RUBCNL: variants seen among roughly 807,000 people sequenced by gnomAD.
RUBCNL encodes rubicon like autophagy enhancer, also known as protein associated with UVRAG as autophagy enhancer.
RUBCNL carries 62 observed loss-of-function variants against 69.5 expected under a neutral mutation model. The observed-to-expected ratio is 0.89, with a 90% CI of 0.73 to 1.10. The LOEUF (loss-of-function observed/expected upper bound fraction) is 1.10. Among genes scored for constraint, RUBCNL ranks in the 50% least tolerant of loss-of-function variants. The pLI is 0.00. For synonymous variants in RUBCNL, 291 were observed against 303.6 expected (o/e 0.96, Z 0.43); for missense variants, 768 against 798.1 (o/e 0.96, Z 0.45).
chr13:46,349,933 C>T (rs978489905), intron 11 of RUBCNL, among the ~76,000 whole-genome samples, 180 bp downstream of exon 11: 1 of 152,100 alleles, frequency 6.6e-6, no homozygotes, highest in African/African-American at 2.4e-5. Context: ...ATCCGCCCAC[C>T]TTGGCCTCTC....
At chr13:46,380,981 T>G (rs1415571332) in intron 1 of RUBCNL, among the ~76,000 whole-genome samples, 1 of 152,142 alleles carries the variant, frequency 6.6e-6, no homozygotes, top group East Asian at 1.9e-4. Flanking sequence ...GGTAGGCAGC[T>G]GCACTTGAAA....
chr13:46,375,929 C>A (rs1408470931), intron 2 of RUBCNL, among the ~76,000 whole-genome samples: 1 of 152,176 alleles, frequency 6.6e-6, no homozygotes, highest in Non-Finnish European at 1.5e-5. Flanking sequence ...GCCTCTTTTT[C>A]CTCTCTTCAG....
chr13:46,376,535 C>T (rs2048998678), intron 2 of RUBCNL, among the ~76,000 whole-genome samples: 1 of 152,130 alleles, frequency 6.6e-6, no homozygotes, highest in Non-Finnish European at 1.5e-5. Context: ...TCAAATCCCA[C>T]CTTGTGCACC....
intron 10 of RUBCNL, 50 bp from the exon 11 acceptor site, chr13:46,350,401 T>C: frequency 7.4e-7 from 1 of 1,345,308 alleles, no homozygotes. Flanking sequence ...TGAAAACCTA[T>C]CCTGGTATAC....
chr13:46,347,532 T>C (rs1285888737), intron 12 of RUBCNL, among the ~76,000 whole-genome samples: 1 of 152,210 alleles, frequency 6.6e-6, no homozygotes, highest in Non-Finnish European at 1.5e-5. Context: ...TGGTTAGACA[T>C]GCCTCCCTAT....
intron 4 of RUBCNL, chr13:46,368,481 T>C (rs892555136): frequency 2.0e-6 from 2 of 985,404 alleles, no homozygotes; most frequent in East Asian, 1.1e-4. Context: ...TTTCTTGTTA[T>C]ACAAAACCTT....
chr13:46,387,030 C>A (rs984973110), intron 1 of RUBCNL, 104 bp downstream of exon 1: 2 of 925,906 alleles, frequency 2.2e-6, no homozygotes, highest in Non-Finnish European at 1.3e-6. Context: ...TCTCTGGCGC[C>A]ACTTCCACCA....
intron 1 of RUBCNL, among the ~76,000 whole-genome samples, chr13:46,382,322 G>A (rs2049135796): frequency 6.6e-6 from 1 of 152,012 alleles, no homozygotes; most frequent in South Asian, 2.1e-4. Context: ...AAAGTTAAAA[G>A]GAGAAGTAGA....
rs994567693 is a variant in RUBCNL, at chr13:46,341,995, A to C, written c.*1390T>G. 3.9e-5 allele frequency: 6 copies of C among 152,244 alleles called. No homozygotes were observed. The allele number at this position is 152,244 out of a possible 1,614,324, so 9.4% of individuals were successfully genotyped here. A position where few individuals can be genotyped will look rare whatever the true frequency, so the allele number is the denominator to read the frequency against. ...AATAGGAGCAATGGGCAAGAATGAA[A>C]CATTGTTTGAAGTCTGGTTTTATTT... On this transcript the variant is annotated 3_prime_UTR_variant, in exon 15 of 15. Transcript: ENST00000429979.
At chr13:46,344,465 C>T (rs1006555238) in intron 14 of RUBCNL, among the ~76,000 whole-genome samples, 8 of 152,116 alleles carry the variant, frequency 5.3e-5, no homozygotes, top group Non-Finnish European at 1.2e-4. Context: ...GAGAGGTGGG[C>T]ACAGGCAACA....
At chr13:46,373,130 C>T (rs1175062144) in intron 2 of RUBCNL, among the ~76,000 whole-genome samples, 2 of 152,176 alleles carry the variant, frequency 1.3e-5, no homozygotes, top group East Asian at 1.9e-4. Context: ...CGTGCCACCA[C>T]GCCTGGCTGA....
chr13:46,385,548 G>A (rs1303111721), intron 1 of RUBCNL, among the ~76,000 whole-genome samples: 2 of 151,590 alleles, frequency 1.3e-5, no homozygotes, highest in Non-Finnish European at 2.9e-5. Flanking sequence ...GGTAACAAGG[G>A]AAACTATTCA....
chr13:46,361,400 T>C (rs1393435310), intron 8 of RUBCNL, 41 bp downstream of exon 8: 7 of 1,608,442 alleles, frequency 4.4e-6, no homozygotes, highest in African/African-American at 1.3e-5. Flanking sequence ...AATGAGGATT[T>C]AGGAACTTTC....
chr13:46,346,021 G>A lies in RUBCNL; in HGVS notation c.1632-421C>T, dbSNP rs546371758. Among the ~76,000 whole-genome samples the A allele has an allele frequency of 2.5e-4, 38 of 152,262 alleles. 2 individuals carry two copies. In the South Asian group the frequency reaches 7.5e-3, roughly 30 times the overall value. On this transcript the variant is annotated intron_variant, in intron 12 of 14. Transcript: ENST00000429979. ...ATCAGCCTTATGGACTGTTGGCTCA[G>A]CTGCGAAAATTCTCACTCACTCGGC...
intron 7 of RUBCNL, 119 bp from the exon 8 acceptor site, chr13:46,361,692 G>C: frequency 1.0e-6 from 1 of 952,842 alleles, no homozygotes; most frequent in Non-Finnish European, 1.6e-6. Flanking sequence ...GCTGTCATAT[G>C]AGATGACGCA....
At chr13:46,360,824 T>C (rs979677417) in intron 8 of RUBCNL, among the ~76,000 whole-genome samples, 1 of 152,222 alleles carries the variant, frequency 6.6e-6, no homozygotes, top group Non-Finnish European at 1.5e-5. Context: ...AGCCTGGGCA[T>C]GACTCCTGCT....
chr13:46,377,014 A>G (rs1375736792), intron 2 of RUBCNL, among the ~76,000 whole-genome samples: 2 of 150,838 alleles, frequency 1.3e-5, no homozygotes, highest in Non-Finnish European at 1.5e-5. Flanking sequence ...ATCCTTGTTC[A>G]TGTCATTTTT....
chr13:46,335,237 G>GTTTTTT lies in RUBCNL; in HGVS notation c.*8147_*8148insAAAAAA, dbSNP rs758818280. ...ACACCATTGTGCCCAGCTAATTTGTGTCTTTTTGTTGTTGTTGTTGTTGTT... is the reference window on the plus strand; with the variant it reads ...ACACCATTGTGCCCAGCTAATTTGTGTTTTTTTCTTTTTGTTGTTGTTGTTGTTGTT... On this transcript the variant is annotated 3_prime_UTR_variant, in exon 15 of 15. Transcript: ENST00000429979. 8.5e-6 allele frequency among the ~76,000 whole-genome samples: 1 copy of GTTTTTT among 117,466 alleles called. No homozygotes were observed. Among genetic ancestry groups the GTTTTTT allele is most frequent in the African/African-American group, 3.6e-5 (1 of 28,062 alleles). 77.1% of individuals were successfully genotyped at this position (117,466 alleles called of 152,430 possible). A position where few individuals can be genotyped will look rare whatever the true frequency, so the allele number is the denominator to read the frequency against.
At chr13:46,386,660 C>G (rs771502478) in intron 1 of RUBCNL, among the ~76,000 whole-genome samples, 8 of 152,162 alleles carry the variant, frequency 5.3e-5, no homozygotes, top group Non-Finnish European at 1.2e-4. Context: ...GCCGCGATTT[C>G]ACACTCCAGC....
Sources: gnomAD v4.1 joint callset for allele counts (sites outside exome capture counted in the v4.1 genomes callset) on GRCh38, gnomAD v4.1.1 for gene constraint, MANE v1.5 for transcripts, NCBI Gene and HGNC (gene_info 2026-07-23, HGNC 2026-07-21) for gene names.